The following NDUFC1 variants were observed in gnomAD, a reference collection of about 807,000 sequenced individuals.
The protein encoded by NDUFC1 is NADH dehydrogenase [ubiquinone] 1 subunit C1, mitochondrial.
NDUFC1 carries 11 observed loss-of-function variants against 11.6 expected under a neutral mutation model. That is an observed-to-expected ratio of 0.95 (90% CI 0.60 to 1.58). The LOEUF (loss-of-function observed/expected upper bound fraction) is 1.58, where lower values mean the gene tolerates loss of function less well. Ranked by LOEUF, NDUFC1 falls within the 40% of genes most tolerant of loss-of-function variation. NDUFC1 has a pLI of 0.00. For missense variants in NDUFC1, 112 were observed against 93.0 expected (o/e 1.20, Z -0.84); for synonymous variants, 52 against 42.2 (o/e 1.23, Z -0.90).
At chr4:139,302,165 G>A in intron 1 of NDUFC1, 1 of 285,450 alleles carries the variant, frequency 3.5e-6, no homozygotes, top group East Asian at 6.2e-5. Context: ...GGCGACACCG[G>A]CAGGAGTCGC....
At chr4:139,301,621 T>G in intron 1 of NDUFC1, 8 of 710,848 alleles carry the variant, frequency 1.1e-5, no homozygotes, top group South Asian at 3.8e-5. Flanking sequence ...AAAAAGGAGG[T>G]GTCCGGGTAG....
At chr4:139,297,738 G>A (rs989616907) in intron 1 of NDUFC1, among the ~76,000 whole-genome samples, 1 of 152,154 alleles carries the variant, frequency 6.6e-6, no homozygotes, top group Non-Finnish European at 1.5e-5. Context: ...TATTTTTATT[G>A]ATACAGCATG....
At chr4:139,293,050 G>A (rs1745300421) in intron 4 of NDUFC1, among the ~76,000 whole-genome samples, 1 of 152,004 alleles carries the variant, frequency 6.6e-6, no homozygotes, top group African/African-American at 2.4e-5. Context: ...CGAACTCTGA[G>A]CTCAGGTGAT....
intron 4 of NDUFC1, among the ~76,000 whole-genome samples, chr4:139,294,222 T>C (rs934937853): frequency 6.6e-6 from 1 of 151,816 alleles, no homozygotes; most frequent in African/African-American, 2.4e-5. Context: ...GGATTACAGG[T>C]GTGAGCCACC....
rs1745450299 is a variant in NDUFC1, at chr4:139,295,876, G to A, written c.-78C>T. On this transcript the variant is annotated 5_prime_UTR_variant, in exon 3 of 6. Coordinates refer to ENST00000394223, the MANE Select transcript of NDUFC1 (RefSeq NM_001184989.2). ...TGGCGGCCGGAAGTGCGGGACTCGA[G>A]GGCTCTGCAGCAGAGCTCCGTGGGG... The A allele has an allele frequency of 1.4e-6, 2 of 1,454,316 alleles. No individual in the cohort carries two copies. Among genetic ancestry groups the A allele is most frequent in the Non-Finnish European group, 1.9e-6 (2 of 1,074,534 alleles). 90.1% of individuals were successfully genotyped at this position (1,454,316 alleles called of 1,614,324 possible). A position where few individuals can be genotyped will look rare whatever the true frequency, so the allele number is the denominator to read the frequency against.
intron 5 of NDUFC1, among the ~76,000 whole-genome samples, chr4:139,291,591 G>A (rs1048901728): frequency 3.9e-5 from 6 of 151,914 alleles, no homozygotes; most frequent in Admixed American, 2.0e-4. Flanking sequence ...AAAAAGAATC[G>A]ATTGCCGTTA....
intron 4 of NDUFC1, among the ~76,000 whole-genome samples, chr4:139,294,010 C>T (rs1251078989): frequency 1.4e-5 from 2 of 139,160 alleles, no homozygotes; most frequent in Non-Finnish European, 1.5e-5. Context: ...AGCACGATCT[C>T]GGCTCACTGC....
chr4:139,294,248 AT>A (rs914743614), intron 4 of NDUFC1, among the ~76,000 whole-genome samples: 1 of 151,722 alleles, frequency 6.6e-6, no homozygotes, highest in African/African-American at 2.4e-5. Flanking sequence ...CGGCCTGAAA[AT>A]TTTTTTAAAA....
intron 1 of NDUFC1, among the ~76,000 whole-genome samples, chr4:139,298,848 A>G (rs1256796086): frequency 1.3e-5 from 2 of 151,678 alleles, no homozygotes; most frequent in African/African-American, 4.8e-5. Context: ...AAATTTTAAA[A>G]TTTTTTTGTA....
chr4:139,302,309 C>T lies in NDUFC1; in HGVS notation c.-222+107G>A, dbSNP rs150371376. On this transcript the variant is annotated intron_variant, in intron 1 of 5. Coordinates refer to ENST00000394223, the MANE Select transcript of NDUFC1 (RefSeq NM_001184989.2). Reference sequence around the variant, plus strand: ...CCATCATCTGTCCCTCCCTCTTCCTCCTCTCTTGGGATTCACCTGTCTCCG... The same window carrying T: ...CCATCATCTGTCCCTCCCTCTTCCTTCTCTCTTGGGATTCACCTGTCTCCG... The T allele has an allele frequency of 2.4e-3, 373 of 156,846 alleles. 3 individuals are homozygous for T. The highest frequency in any genetic ancestry group is 8.6e-3 in the African/African-American group (360 of 41,784). 9.7% of individuals were successfully genotyped at this position (156,846 alleles called of 1,614,324 possible).
At chr4:139,301,876 T>C (rs1745770471) in intron 1 of NDUFC1, 2 of 1,552,286 alleles carry the variant, frequency 1.3e-6, no homozygotes, top group Non-Finnish European at 1.7e-6. Flanking sequence ...ATTTAGCCGG[T>C]AACCGGGCCT....
chr4:139,299,618 A>T (rs1010718012), intron 1 of NDUFC1, among the ~76,000 whole-genome samples: 4 of 152,060 alleles, frequency 2.6e-5, no homozygotes, highest in Non-Finnish European at 5.9e-5. Context: ...GTAAATATAT[A>T]TTTTTTTATT....
chr4:139,298,024 C>G (rs1048250774), intron 1 of NDUFC1, among the ~76,000 whole-genome samples: 2 of 151,376 alleles, frequency 1.3e-5, no homozygotes, highest in Non-Finnish European at 2.9e-5. Context: ...AGCCAAGACT[C>G]TGCCACTGTA....
chr4:139,302,534 G>A (rs1403866735), upstream of NDUFC1: 3 of 152,238 alleles, frequency 2.0e-5, no homozygotes, highest in Non-Finnish European at 2.9e-5. Flanking sequence ...GCCCCACCCC[G>A]TCACTCTTCT....
chr4:139,298,238 AAGACC>A (rs1745547924), intron 1 of NDUFC1, among the ~76,000 whole-genome samples: 1 of 151,594 alleles, frequency 6.6e-6, no homozygotes, highest in South Asian at 2.1e-4. Context: ...TCGGGAGTTC[AAGACC>A]AGCCTGACCA....
In NDUFC1 at chr4:139,301,299, C is replaced by T. The variant is rs74495552; in HGVS notation, c.-222+1117G>A. ...GGTCTGAACCGTACTTGCCTAGCCTCCCGTAGCTCCGCGGGCGCTTCGAGG... is the reference window on the plus strand; with the variant it reads ...GGTCTGAACCGTACTTGCCTAGCCTTCCGTAGCTCCGCGGGCGCTTCGAGG... On this transcript the variant is annotated intron_variant, in intron 1 of 5. Transcript: ENST00000394223. 1,803 of 387,622 alleles carry T rather than the reference C, an allele frequency of 4.7e-3. 20 individuals carry two copies. The highest frequency in any genetic ancestry group is 0.033 in the African/African-American group (1,601 of 48,466). 24.0% of individuals were successfully genotyped at this position (387,622 alleles called of 1,614,324 possible).
At chr4:139,299,357 C>T (rs969559161) in intron 1 of NDUFC1, among the ~76,000 whole-genome samples, 4 of 151,846 alleles carry the variant, frequency 2.6e-5, no homozygotes, top group African/African-American at 9.7e-5. Context: ...AAATTTCACT[C>T]AACATATCCC....
In NDUFC1 at chr4:139,293,517, TA is replaced by T. The variant is rs1237333462; in HGVS notation, c.172-909del. 6.6e-5 allele frequency among the ~76,000 whole-genome samples: 10 copies of T among 152,328 alleles called. No individual in the cohort carries two copies. In the East Asian group the frequency reaches 1.9e-3, roughly 29 times the overall value. ...GAGAAAACCTTAAATTAAGAATGTA[TA>T]AAATTCATTATAAGCAACATTATTC... On this transcript the variant is annotated intron_variant, in intron 4 of 5. Coordinates refer to ENST00000394223, the MANE Select transcript of NDUFC1 (RefSeq NM_001184989.2).
At chr4:139,297,717 C>G (rs1161575847) in intron 1 of NDUFC1, among the ~76,000 whole-genome samples, 1 of 151,994 alleles carries the variant, frequency 6.6e-6, no homozygotes, top group Non-Finnish European at 1.5e-5. Context: ...AAAAACAAAA[C>G]AAAAAATCCC....
Sources: gnomAD v4.1 joint callset for allele counts (sites outside exome capture counted in the v4.1 genomes callset) on GRCh38, gnomAD v4.1.1 for gene constraint, MANE v1.5 for transcripts, NCBI Gene and HGNC (gene_info 2026-07-23, HGNC 2026-07-21) for gene names.